VWA8: variants seen among roughly 807,000 people sequenced by gnomAD.
The protein encoded by VWA8 is von Willebrand factor A domain-containing protein 8.
A neutral mutation model predicts 241.5 loss-of-function variants in VWA8; 221 were observed. That is an observed-to-expected ratio of 0.91 (90% confidence interval 0.82 to 1.02). The LOEUF (loss-of-function observed/expected upper bound fraction) is 1.02, where lower values mean the gene tolerates loss of function less well. VWA8 is among the 50% of genes least tolerant of loss of function. The pLI, the probability that VWA8 is intolerant of heterozygous loss-of-function variation, is 0.00. For missense variants in VWA8, 2,322 were observed against 2,328.7 expected, an observed-to-expected ratio of 1.00 and a Z score of 0.06; for synonymous variants, 852 against 827.1, an observed-to-expected ratio of 1.03 and a Z score of -0.52.
At chr13:41,895,977 A>G (rs888788893) in intron 4 of VWA8, among the ~76,000 whole-genome samples, 1 of 151,978 alleles carries the variant, frequency 6.6e-6, no homozygotes, top group African/African-American at 2.4e-5. Context: ...CTTTCCTTTA[A>G]TAATCCATTA....
At chr13:41,617,082 A>AAACAAATTTTTTTT (rs2044625671) in intron 37 of VWA8, among the ~76,000 whole-genome samples, 1 of 152,016 alleles carries the variant, frequency 6.6e-6, no homozygotes, top group East Asian at 1.9e-4. Context: ...AAATTTTTTT[A>AAACAAATTTTTTTT]AAACAAACAG....
chr13:41,751,735 A>G (rs1343869), intron 21 of VWA8, among the ~76,000 whole-genome samples: 28,684 of 152,176 alleles, frequency 0.19, 3,461 homozygotes, highest in East Asian at 0.36. Flanking sequence ...ATGACAGAGG[A>G]AAAGTAAGTG....
intron 21 of VWA8, among the ~76,000 whole-genome samples, chr13:41,752,837 A>T (rs1227040652): frequency 6.6e-6 from 1 of 152,156 alleles, no homozygotes; most frequent in African/African-American, 2.4e-5. Context: ...ATAGGCAGGG[A>T]AATTAAGACT....
intron 37 of VWA8, among the ~76,000 whole-genome samples, chr13:41,641,029 T>C (rs1024125663): frequency 2.0e-5 from 3 of 152,224 alleles, no homozygotes; most frequent in Non-Finnish European, 4.4e-5. Context: ...TCTGTCCTGA[T>C]TTCCGATAAC....
intron 19 of VWA8, among the ~76,000 whole-genome samples, chr13:41,779,481 A>G (rs1218645030): frequency 6.6e-6 from 1 of 152,096 alleles, no homozygotes; most frequent in African/African-American, 2.4e-5. Context: ...AGGTGAGTAT[A>G]TAATTGTCTA....
intron 7 of VWA8, 30 bp downstream of exon 7, chr13:41,886,751 G>C: frequency 6.5e-7 from 1 of 1,540,814 alleles, no homozygotes. Context: ...TCAATATTCA[G>C]TGTCCAGACA....
intron 9 of VWA8, among the ~76,000 whole-genome samples, chr13:41,879,172 A>G (rs1874047230): frequency 1.3e-5 from 2 of 152,258 alleles, no homozygotes; most frequent in South Asian, 4.1e-4. Context: ...AATCAAAGAT[A>G]AGTTCCGGTT....
intron 36 of VWA8, 106 bp downstream of exon 36, chr13:41,675,109 T>C (rs763230199): frequency 1.2e-5 from 8 of 645,182 alleles, no homozygotes; most frequent in East Asian, 3.1e-5. Context: ...AAAAAGAGCT[T>C]GCTATTTAAA....
intron 13 of VWA8, among the ~76,000 whole-genome samples, chr13:41,833,140 C>T (rs577840477): frequency 6.6e-5 from 10 of 152,102 alleles, no homozygotes; most frequent in South Asian, 2.1e-4. Context: ...TGCCTACACA[C>T]GGAATTCTGC....
At chr13:41,630,980 T>C (rs775205781) in intron 37 of VWA8, among the ~76,000 whole-genome samples, 5 of 152,104 alleles carry the variant, frequency 3.3e-5, no homozygotes, top group African/African-American at 4.8e-5. Context: ...TGCCAGCCCA[T>C]AATTGGCACA....
intron 9 of VWA8, among the ~76,000 whole-genome samples, chr13:41,873,007 T>A (rs564957881): frequency 5.3e-5 from 8 of 152,324 alleles, no homozygotes; most frequent in African/African-American, 1.9e-4. Context: ...TTGTTCTCCT[T>A]GAAGAGGTCC....
chr13:41,891,311 G>T, intron 5 of VWA8, 109 bp downstream of exon 5: 3 of 1,295,120 alleles, frequency 2.3e-6, no homozygotes, highest in South Asian at 1.4e-5. Flanking sequence ...CAAGATAAGG[G>T]CCATCTGAAC....
intron 41 of VWA8, among the ~76,000 whole-genome samples, chr13:41,588,686 A>G (rs1378918452): frequency 6.6e-6 from 1 of 151,766 alleles, no homozygotes; most frequent in East Asian, 1.9e-4. Flanking sequence ...GTGCCACTGC[A>G]CTAAAGCCTG....
At position 41,868,449 on chromosome 13, in the gene VWA8, G is replaced by A. The variant is rs1029627703; in HGVS notation, c.1109C>T (p.Ser370Phe). ...TTTTACAATCTCTTTAGGAAGTAGA[G>A]AGCTTCCTGAATCTTGAAGTTCAAA... ...KRFELQDSGS[S>F]LLPKEIVKVE... is the part of the protein sequence containing the mutation. Residue 370 changes from serine (S) to phenylalanine (F), a missense_variant, in exon 10 of 45, where the codon TCT (serine) becomes TTT (phenylalanine). Transcript: ENST00000379310. The A allele has an allele frequency of 6.2e-7, 1 of 1,613,654 alleles. No individual in the cohort carries two copies. The highest frequency in any genetic ancestry group is 8.5e-7 in the Non-Finnish European group (1 of 1,179,916).
chr13:41,847,480 A>G (rs1276175131), intron 12 of VWA8, among the ~76,000 whole-genome samples: 1 of 152,244 alleles, frequency 6.6e-6, no homozygotes, highest in Non-Finnish European at 1.5e-5. Flanking sequence ...TTAAGGGATT[A>G]AAAGTACCCA....
At chr13:41,599,073 G>A (rs1016108285) in intron 40 of VWA8, among the ~76,000 whole-genome samples, 6 of 152,210 alleles carry the variant, frequency 3.9e-5, no homozygotes, top group East Asian at 1.9e-4. Context: ...CATGTTTCAT[G>A]TACTGTTCTA....
intron 42 of VWA8, among the ~76,000 whole-genome samples, chr13:41,576,997 C>T (rs1045602669): frequency 6.6e-6 from 1 of 152,258 alleles, no homozygotes; most frequent in East Asian, 1.9e-4. Context: ...TCTGCCCACC[C>T]TCTGAGCACC....
rs796587216 is a variant in VWA8, at chr13:41,944,973, T to A, written c.241+4963A>T. Among the ~76,000 whole-genome samples the A allele has an allele frequency of 5.3e-5, 8 of 152,340 alleles. 1 individual carries two copies. Among genetic ancestry groups the A allele is most frequent in the African/African-American group, 1.9e-4 (8 of 41,580 alleles). Reference sequence around the variant, plus strand: ...CAGAAGGCTTTGAAAAGCTTCAGTGTATGCCTAAGAATCTGGAAGGCCATG... The same window carrying A: ...CAGAAGGCTTTGAAAAGCTTCAGTGAATGCCTAAGAATCTGGAAGGCCATG... On this transcript the variant is annotated intron_variant, in intron 2 of 44. Coordinates refer to ENST00000379310, the MANE Select transcript of VWA8 (RefSeq NM_015058.2).
intron 19 of VWA8, among the ~76,000 whole-genome samples, chr13:41,781,968 A>G (rs764811249): frequency 6.6e-6 from 1 of 152,244 alleles, no homozygotes; most frequent in Non-Finnish European, 1.5e-5. Flanking sequence ...AAGCACCTAA[A>G]TCTGCAAGAG....
Sources: gnomAD v4.1 joint callset for allele counts (sites outside exome capture counted in the v4.1 genomes callset) on GRCh38, gnomAD v4.1.1 for gene constraint, MANE v1.5 for transcripts, NCBI Gene and HGNC (gene_info 2026-07-23, HGNC 2026-07-21) for gene names.